The following SLC25A13 variants were observed in gnomAD, a reference collection of about 807,000 sequenced individuals.
SLC25A13 encodes electrogenic aspartate/glutamate antiporter SLC25A13, mitochondrial.
A neutral mutation model predicts 85.5 loss-of-function variants in SLC25A13; 70 were observed. That is an observed-to-expected ratio of 0.82 (90% confidence interval 0.68 to 1.00). SLC25A13 has a LOEUF of 1.00. SLC25A13 is among the 50% of genes least tolerant of loss of function. The probability of loss-of-function intolerance (pLI) is 0.00; values close to 1 mark genes in which losing one functional copy is unlikely to be tolerated. For missense variants in SLC25A13, 765 were observed against 819.8 expected, an observed-to-expected ratio of 0.93 and a Z score of 0.82; for synonymous variants, 259 against 288.7, an observed-to-expected ratio of 0.90 and a Z score of 1.04.
chr7:96,254,871 G>C (rs1375773477), intron 3 of SLC25A13, among the ~76,000 whole-genome samples: 1 of 152,020 alleles, frequency 6.6e-6, no homozygotes, highest in African/African-American at 2.4e-5. Context: ...GAAAAGGACG[G>C]GCATGTTAAG....
chr7:96,309,397 T>A (rs1252745933), intron 1 of SLC25A13: 1 of 152,234 alleles, frequency 6.6e-6, no homozygotes, highest in Non-Finnish European at 1.5e-5. Flanking sequence ...GAATTTCTGA[T>A]TCTCCATGAT....
intron 13 of SLC25A13, among the ~76,000 whole-genome samples, chr7:96,153,774 G>C (rs1203454957): frequency 6.6e-6 from 1 of 152,114 alleles, no homozygotes; most frequent in Non-Finnish European, 1.5e-5. Flanking sequence ...AAGGGGACCC[G>C]ACATTCAAAA....
intron 15 of SLC25A13, among the ~76,000 whole-genome samples, chr7:96,130,894 A>G (rs146430567): frequency 2.3e-3 from 350 of 152,346 alleles, no homozygotes; most frequent in South Asian, 3.5e-3. Context: ...CCCAGGCTGC[A>G]GCCAGGGTAG....
At chr7:96,317,982 T>C (rs1281568279) in intron 1 of SLC25A13, among the ~76,000 whole-genome samples, 1 of 151,924 alleles carries the variant, frequency 6.6e-6, no homozygotes, top group Non-Finnish European at 1.5e-5. Flanking sequence ...TTCATTTTAG[T>C]ATTCTCAATT....
At chr7:96,216,592 C>G (rs1330989827) in intron 4 of SLC25A13, among the ~76,000 whole-genome samples, 1 of 152,100 alleles carries the variant, frequency 6.6e-6, no homozygotes, top group Non-Finnish European at 1.5e-5. Context: ...GATCATGTCC[C>G]TTGCAGGAAC....
At chr7:96,265,447 G>A (rs1043909495) in intron 3 of SLC25A13, among the ~76,000 whole-genome samples, 8 of 152,088 alleles carry the variant, frequency 5.3e-5, no homozygotes, top group African/African-American at 1.4e-4. Context: ...ATGGTATCCC[G>A]TATCCTCTAG....
chr7:96,192,520 G>A (rs1794895780), intron 6 of SLC25A13, among the ~76,000 whole-genome samples: 1 of 152,090 alleles, frequency 6.6e-6, no homozygotes, highest in African/African-American at 2.4e-5. Flanking sequence ...ATGAGGGAAG[G>A]ACAGCAGCTG....
intron 2 of SLC25A13, among the ~76,000 whole-genome samples, chr7:96,284,223 T>C (rs975803735): frequency 5.4e-4 from 82 of 152,234 alleles, no homozygotes; most frequent in African/African-American, 1.8e-3. Flanking sequence ...AAAAATTATA[T>C]ACATACAGAG....
chr7:96,293,369 G>T (rs1279112145), intron 2 of SLC25A13, among the ~76,000 whole-genome samples: 1 of 152,154 alleles, frequency 6.6e-6, no homozygotes, highest in African/African-American at 2.4e-5. Flanking sequence ...ACAGGCATGG[G>T]CAAGGACCTC....
intron 1 of SLC25A13, among the ~76,000 whole-genome samples, chr7:96,297,333 A>G (rs1008023569): frequency 1.1e-4 from 16 of 151,872 alleles, no homozygotes; most frequent in South Asian, 8.3e-4. Flanking sequence ...GCAAGAGAAC[A>G]TATTTCTTTT....
chr7:96,170,476 C>T (rs1793950461), intron 12 of SLC25A13, among the ~76,000 whole-genome samples: 1 of 152,130 alleles, frequency 6.6e-6, no homozygotes, highest in Non-Finnish European at 1.5e-5. Context: ...TTTTATAAGG[C>T]TTGATTAAAA....
At chr7:96,318,095 G>C (rs1800197190) in intron 1 of SLC25A13, among the ~76,000 whole-genome samples, 1 of 152,140 alleles carries the variant, frequency 6.6e-6, no homozygotes, top group African/African-American at 2.4e-5. Flanking sequence ...AAGTGTACTA[G>C]TCCTACAGAC....
At chr7:96,161,123 T>C (rs1363102091) in intron 13 of SLC25A13, among the ~76,000 whole-genome samples, 1 of 152,190 alleles carries the variant, frequency 6.6e-6, no homozygotes, top group Non-Finnish European at 1.5e-5. Flanking sequence ...AAATAAGCTA[T>C]ACCAAATGCT....
intron 2 of SLC25A13, among the ~76,000 whole-genome samples, chr7:96,287,571 GA>G (rs1798939214): frequency 6.6e-6 from 1 of 152,192 alleles, no homozygotes; most frequent in Non-Finnish European, 1.5e-5. Flanking sequence ...GCTGGCTGCT[GA>G]AAGTGGATGT....
intron 1 of SLC25A13, among the ~76,000 whole-genome samples, chr7:96,299,975 T>G (rs1000206393): frequency 6.6e-6 from 1 of 152,248 alleles, no homozygotes; most frequent in African/African-American, 2.4e-5. Flanking sequence ...CTATAATTTA[T>G]GGAGCCACCA....
chr7:96,154,120 G>A lies in SLC25A13; in HGVS notation c.1312-7424C>T, dbSNP rs12669604. Among the ~76,000 whole-genome samples, 371 of 152,168 alleles carry A rather than the reference G, an allele frequency of 2.4e-3. 10 individuals carry two copies. The highest frequency in any genetic ancestry group is 0.017 in the Admixed American group (256 of 15,300). ...TCCTCCTAAACAAAACCCCAACAGG[G>A]TTTCCTGAAGATGTCTGAAGACAGG... On this transcript the variant is annotated intron_variant, in intron 13 of 17. Transcript: ENST00000265631.
At chr7:96,226,569 C>A in intron 4 of SLC25A13, among the ~76,000 whole-genome samples, 1 of 151,558 alleles carries the variant, frequency 6.6e-6, no homozygotes, top group East Asian at 1.9e-4. Flanking sequence ...ATCTCCATAA[C>A]TATTTTCCAC....
intron 4 of SLC25A13, among the ~76,000 whole-genome samples, chr7:96,234,102 T>G (rs1796656665): frequency 6.6e-6 from 1 of 152,274 alleles, no homozygotes; most frequent in African/African-American, 2.4e-5. Flanking sequence ...TACTTTCCGT[T>G]AAATCTGTCC....
intron 4 of SLC25A13, among the ~76,000 whole-genome samples, chr7:96,233,761 C>G (rs190401556): frequency 7.6e-4 from 116 of 152,292 alleles, no homozygotes; most frequent in African/African-American, 2.3e-3. Context: ...CACTGTTACA[C>G]CATCTGTATT....
Sources: gnomAD v4.1 joint callset for allele counts (sites outside exome capture counted in the v4.1 genomes callset) on GRCh38, gnomAD v4.1.1 for gene constraint, MANE v1.5 for transcripts, NCBI Gene and HGNC (gene_info 2026-07-23, HGNC 2026-07-21) for gene names.